The following PXT1 variants were observed in gnomAD, a reference collection of about 807,000 sequenced individuals.
PXT1 encodes the protein peroxisomal testis enriched protein 1.
PXT1 carries 11 observed loss-of-function variants against 11.0 expected under a neutral mutation model. The ratio of observed to expected loss-of-function variants is 1.00; its 90% CI spans 0.63 to 1.66. The LOEUF is 1.66. Among genes scored for constraint, PXT1 ranks in the 40% most tolerant of loss-of-function variants. The probability of loss-of-function intolerance (pLI) is 0.00; values close to 1 mark genes in which losing one functional copy is unlikely to be tolerated. For missense variants in PXT1, 141 were observed against 155.5 expected (o/e 0.91, Z 0.49); for synonymous variants, 43 against 51.4 (o/e 0.84, Z 0.70).
At chr6:36,441,728 T>G (rs185811212) in intron 1 of PXT1, among the ~76,000 whole-genome samples, 2 of 152,252 alleles carry the variant, frequency 1.3e-5, no homozygotes, top group African/African-American at 4.8e-5. Flanking sequence ...CGAGGGAGAA[T>G]AGAAATGGAA....
chr6:36,439,849 C>T (rs1246788688), intron 1 of PXT1, among the ~76,000 whole-genome samples: 1 of 152,136 alleles, frequency 6.6e-6, no homozygotes, highest in East Asian at 1.9e-4. Flanking sequence ...CCCAGCGTAA[C>T]ACATTTCCAC....
At chr6:36,427,559 C>T (rs182012264) in intron 2 of PXT1, among the ~76,000 whole-genome samples, 4 of 152,146 alleles carry the variant, frequency 2.6e-5, no homozygotes, top group Admixed American at 2.6e-4. Context: ...CTAGTAGCTA[C>T]ATTTAATAAG....
At chr6:36,435,811 G>C (rs1774753954) in intron 2 of PXT1, among the ~76,000 whole-genome samples, 1 of 152,134 alleles carries the variant, frequency 6.6e-6, no homozygotes, top group Admixed American at 6.6e-5. Context: ...AAAATCCTGA[G>C]AGAAAATGTT....
chr6:36,422,020 C>T (rs1313123109), intron 3 of PXT1, among the ~76,000 whole-genome samples: 1 of 152,026 alleles, frequency 6.6e-6, no homozygotes, highest in Non-Finnish European at 1.5e-5. Flanking sequence ...ATATCATATC[C>T]TACGATTTGT....
intron 3 of PXT1, among the ~76,000 whole-genome samples, chr6:36,413,029 T>C (rs1774397070): frequency 6.6e-6 from 1 of 151,978 alleles, no homozygotes; most frequent in African/African-American, 2.4e-5. Context: ...GACCAGCATC[T>C]GATTAATGGG....
At chr6:36,394,657 A>G (rs1274497354) in intron 4 of PXT1, among the ~76,000 whole-genome samples, 1 of 152,090 alleles carries the variant, frequency 6.6e-6, no homozygotes, top group Non-Finnish European at 1.5e-5. Flanking sequence ...TTAAAATTCT[A>G]AAAGTGATGA....
chr6:36,395,016 G>A (rs1246787789), intron 4 of PXT1, among the ~76,000 whole-genome samples: 1 of 151,622 alleles, frequency 6.6e-6, no homozygotes, highest in Non-Finnish European at 1.5e-5. Context: ...ACAAAAAAAA[G>A]AGAGAGAGAG....
chr6:36,409,497 A>G (rs1774335986), intron 3 of PXT1, among the ~76,000 whole-genome samples: 1 of 152,084 alleles, frequency 6.6e-6, no homozygotes, highest in African/African-American at 2.4e-5. Flanking sequence ...AGCTCACTGT[A>G]CCTAGCACAG....
At chr6:36,395,493 A>ATT (rs148553371) in intron 4 of PXT1, among the ~76,000 whole-genome samples, 29,810 of 73,568 alleles carry the variant, frequency 0.41, 8,934 homozygotes, top group Non-Finnish European at 0.46. Context: ...CAAACTTAGG[A>ATT]TTTTTTTTTT....
chr6:36,414,782 A>G (rs1407559216), intron 3 of PXT1, among the ~76,000 whole-genome samples: 3 of 152,210 alleles, frequency 2.0e-5, no homozygotes, highest in Non-Finnish European at 4.4e-5. Context: ...CAGATTGGAA[A>G]ATACATGTCT....
At chr6:36,441,751 G>A (rs1353255177) in intron 1 of PXT1, among the ~76,000 whole-genome samples, 1 of 152,128 alleles carries the variant, frequency 6.6e-6, no homozygotes, top group Non-Finnish European at 1.5e-5. Context: ...TGACCCTCTA[G>A]GCCTCTAAGA....
intron 3 of PXT1, 109 bp downstream of exon 3, chr6:36,425,805 A>ACAAAC (rs763685304): frequency 3.6e-5 from 12 of 335,604 alleles, no homozygotes; most frequent in Non-Finnish European, 5.5e-5. Flanking sequence ...AAAAACAAAA[A>ACAAAC]ATATATATAT....
chr6:36,408,470 G>C (rs1295036773), intron 3 of PXT1, among the ~76,000 whole-genome samples: 1 of 151,490 alleles, frequency 6.6e-6, no homozygotes, highest in African/African-American at 2.4e-5. Context: ...ATGTTGCCCA[G>C]GCTGGTCTAG....
intron 3 of PXT1, among the ~76,000 whole-genome samples, chr6:36,425,312 A>G (rs909911882): frequency 6.6e-6 from 1 of 152,206 alleles, no homozygotes; most frequent in South Asian, 2.1e-4. Flanking sequence ...AATTTTTATT[A>G]AAAGATAAAT....
At chr6:36,417,779 A>G (rs538293691) in intron 3 of PXT1, among the ~76,000 whole-genome samples, 14 of 151,686 alleles carry the variant, frequency 9.2e-5, no homozygotes, top group Middle Eastern at 3.4e-3. Context: ...AAAAAAAAAA[A>G]AAAGAAAGAA....
chr6:36,421,360 C>G (rs1774522865), intron 3 of PXT1, among the ~76,000 whole-genome samples: 1 of 152,052 alleles, frequency 6.6e-6, no homozygotes, highest in Admixed American at 6.6e-5. Context: ...ACTTGGGAGG[C>G]TGAGGCAGGA....
intron 3 of PXT1, among the ~76,000 whole-genome samples, chr6:36,409,482 C>T (rs1004313169): frequency 1.3e-4 from 19 of 151,890 alleles, no homozygotes; most frequent in Admixed American, 3.3e-4. Flanking sequence ...CCACTTGGTG[C>T]CCCCAGCTCA....
chr6:36,437,687 A>T (rs1040060454), intron 2 of PXT1, among the ~76,000 whole-genome samples: 9 of 150,292 alleles, frequency 6.0e-5, no homozygotes, highest in Non-Finnish European at 1.2e-4. Context: ...CTAATTTTTT[A>T]AAATATTTTT....
rs1774525102 is a variant in PXT1, at chr6:36,421,484, C to A, written c.169+4430G>T. On this transcript the variant is annotated intron_variant, in intron 3 of 4. Coordinates refer to ENST00000454782, the MANE Select transcript of PXT1 (RefSeq NM_152990.4). ...TCAAAAAAAGCAAAGCAAAACAAAACTGATTAATCTGTGGGAAGGGTTTAC... is the reference window on the plus strand; with the variant it reads ...TCAAAAAAAGCAAAGCAAAACAAAAATGATTAATCTGTGGGAAGGGTTTAC... Among the ~76,000 whole-genome samples, 3 of 152,136 alleles carry A rather than the reference C, an allele frequency of 2.0e-5. No individual in the cohort carries two copies. The South Asian group carries it at 6.2e-4, about 31-fold the overall frequency.
Sources: gnomAD v4.1 joint callset for allele counts (sites outside exome capture counted in the v4.1 genomes callset) on GRCh38, gnomAD v4.1.1 for gene constraint, MANE v1.5 for transcripts, NCBI Gene and HGNC (gene_info 2026-07-23, HGNC 2026-07-21) for gene names.